Variants in TNFSF10 observed in about 807,000 individuals in gnomAD.
TNFSF10 encodes the protein tumor necrosis factor ligand superfamily member 10.
Under a neutral mutation model 29.5 loss-of-function variants are expected in TNFSF10, and 13 were observed. The observed-to-expected ratio is 0.44, with a 90% CI of 0.29 to 0.70. TNFSF10 has a LOEUF of 0.70. TNFSF10 is among the 30% of genes least tolerant of loss of function. The pLI is 0.13. For missense variants in TNFSF10, 345 were observed against 330.9 expected, an observed-to-expected ratio of 1.04 and a Z score of -0.33; for synonymous variants, 111 against 112.8, an observed-to-expected ratio of 0.98 and a Z score of 0.10.
At chr3:172,515,901 C>A (rs1237967676) in intron 1 of TNFSF10, among the ~76,000 whole-genome samples, 1 of 152,094 alleles carries the variant, frequency 6.6e-6, no homozygotes, top group East Asian at 1.9e-4. Flanking sequence ...TTGCTTTGCT[C>A]ATTTCTTCTC....
chr3:172,515,212 T>A (rs895184912), intron 1 of TNFSF10, among the ~76,000 whole-genome samples: 1 of 151,916 alleles, frequency 6.6e-6, no homozygotes, highest in African/African-American at 2.4e-5. Context: ...GTGGAAAGGA[T>A]GCAGGTGTGC....
intron 1 of TNFSF10, among the ~76,000 whole-genome samples, chr3:172,516,826 G>A (rs1402942315): frequency 6.6e-6 from 1 of 152,162 alleles, no homozygotes; most frequent in Non-Finnish European, 1.5e-5. Flanking sequence ...ATATGATTCA[G>A]AAATATGAGA....
intron 2 of TNFSF10, among the ~76,000 whole-genome samples, chr3:172,513,446 G>A (rs148533441): frequency 1.8e-4 from 28 of 152,290 alleles, no homozygotes; most frequent in African/African-American, 5.1e-4. Context: ...AGCTGCTTCC[G>A]TACAGCTTGT....
At chr3:172,509,383 C>A in intron 3 of TNFSF10, 62 bp from the exon 4 acceptor site, 1 of 1,318,784 alleles carries the variant, frequency 7.6e-7, no homozygotes. Flanking sequence ...ATACCTTGCT[C>A]TTCATAGGTG....
At chr3:172,512,639 G>A (rs539235608) in intron 2 of TNFSF10, among the ~76,000 whole-genome samples, 1 of 152,216 alleles carries the variant, frequency 6.6e-6, no homozygotes, top group Non-Finnish European at 1.5e-5. Context: ...GGAAGTGAGA[G>A]GAAACCACAG....
rs146736623 is a variant in TNFSF10, at chr3:172,514,917, T to C, written c.214A>G (p.Ser72Gly). 90 of 1,614,082 alleles carry C rather than the reference T, an allele frequency of 5.6e-5. No homozygotes were observed. The highest frequency in any genetic ancestry group is 1.7e-5 in the Admixed American group (1 of 59,988). Reference protein sequence around the residue: ...DSYWDPNDEESMNSPCWQVKW... With the variant: ...DSYWDPNDEEGMNSPCWQVKW... ...ACTTGCCAGCAGGGGCTGTTCATAC[T>C]CTCTTCGTCATTGGGGTCCCAATAA... is the stretch of plus-strand genomic sequence containing the variant. Residue 72 changes from serine to glycine, a missense_variant, in exon 2 of 5, where the codon AGT becomes GGT. Coordinates refer to ENST00000241261, the MANE Select transcript of TNFSF10 (RefSeq NM_003810.4).
At chr3:172,513,093 TTC>T (rs1449660579) in intron 2 of TNFSF10, among the ~76,000 whole-genome samples, 1 of 152,210 alleles carries the variant, frequency 6.6e-6, no homozygotes, top group East Asian at 1.9e-4. Flanking sequence ...TCCCTCTGTG[TTC>T]TCTCCCAGCT....
chr3:172,520,883 C>G (rs1353547867), intron 1 of TNFSF10, among the ~76,000 whole-genome samples: 1 of 152,106 alleles, frequency 6.6e-6, no homozygotes, highest in Non-Finnish European at 1.5e-5. Context: ...GAACAGAGGC[C>G]TCAGAAATAA....
intron 1 of TNFSF10, among the ~76,000 whole-genome samples, chr3:172,519,330 A>T (rs1713580633): frequency 6.6e-6 from 1 of 151,652 alleles, no homozygotes; most frequent in Non-Finnish European, 1.5e-5. Flanking sequence ...ATTGAAAAAG[A>T]AATTTGATTA....
chr3:172,514,722 A>T, intron 2 of TNFSF10, 139 bp downstream of exon 2: 1 of 1,209,754 alleles, frequency 8.3e-7, no homozygotes, highest in Non-Finnish European at 1.1e-6. Context: ...GGGGAAAATT[A>T]CTTAAATACT....
At chr3:172,507,807 T>C (rs984465701) in intron 4 of TNFSF10, among the ~76,000 whole-genome samples, 2 of 152,184 alleles carry the variant, frequency 1.3e-5, no homozygotes, top group South Asian at 4.1e-4. Flanking sequence ...TTTTTATCTA[T>C]TAACTGATGT....
chr3:172,506,240 A>G lies in TNFSF10; in HGVS notation c.*252T>C. 2 of 417,636 alleles carry G rather than the reference A, an allele frequency of 4.8e-6. No individual in the cohort carries two copies. The highest frequency in any genetic ancestry group is 4.2e-6 in the Non-Finnish European group (1 of 235,378). The allele number at this position is 417,636 out of a possible 1,614,324, so 25.9% of individuals were successfully genotyped here. On this transcript the variant is annotated 3_prime_UTR_variant, in exon 5 of 5. Coordinates refer to ENST00000241261, the MANE Select transcript of TNFSF10 (RefSeq NM_003810.4). ...CAGTCTTCTAGATTTCTGCTAGCAA[A>G]CTGATATGAGGTAGAGTCCTGAAAG...
rs1712984397 is a variant in TNFSF10 at position 172,506,417 on chromosome 3, G to T, written c.*75C>A. On this transcript the variant is annotated 3_prime_UTR_variant, in exon 5 of 5. Coordinates refer to ENST00000241261, the MANE Select transcript of TNFSF10 (RefSeq NM_003810.4). The stretch of plus-strand genomic sequence containing the variant: ...TTTGTTTGTTTTGGTCAGATTTTTT[G>T]AAACATCTTCATAGTGTATCATCCT... 2 of 1,474,968 alleles carry T rather than the reference G, an allele frequency of 1.4e-6. No individual in the cohort carries two copies. Among genetic ancestry groups the T allele is most frequent in the Non-Finnish European group, 1.8e-6 (2 of 1,103,314 alleles). The allele number at this position is 1,474,968 out of a possible 1,614,324, so 91.4% of individuals were successfully genotyped here. A position where few individuals can be genotyped will look rare whatever the true frequency, so the allele number is the denominator to read the frequency against.
In TNFSF10 at chr3:172,516,816, A is replaced by T. The variant is rs114121477; in HGVS notation, c.133-1818T>A. Among the ~76,000 whole-genome samples, 770 of 152,320 alleles carry T rather than the reference A, an allele frequency of 5.1e-3. 10 individuals are homozygous for T. The highest frequency in any genetic ancestry group is 0.017 in the African/African-American group (713 of 41,570). On this transcript the variant is annotated intron_variant, in intron 1 of 4. Coordinates refer to ENST00000241261, the MANE Select transcript of TNFSF10 (RefSeq NM_003810.4). ...CTTTCCAAGGAAGGCACTCAGTCAC[A>T]TATGATTCAGAAATATGAGAGCATG...
Position 172,506,360 on chromosome 3 carries a change from T to C in TNFSF10, c.*132A>G. Reference sequence around the variant, plus strand: ...TTGGTTGTGGCTGCTCTACTCAGATTGCATAGAGGTTTTTTTGTTTTCTGT... The same window carrying C: ...TTGGTTGTGGCTGCTCTACTCAGATCGCATAGAGGTTTTTTTGTTTTCTGT... On this transcript the variant is annotated 3_prime_UTR_variant, in exon 5 of 5. Coordinates refer to ENST00000241261, the MANE Select transcript of TNFSF10 (RefSeq NM_003810.4). 1.7e-6 allele frequency: 2 copies of C among 1,166,166 alleles called. No homozygotes were observed. The highest frequency in any genetic ancestry group is 1.2e-6 in the Non-Finnish European group (1 of 847,804). 72.2% of individuals were successfully genotyped at this position (1,166,166 alleles called of 1,614,324 possible). A position where few individuals can be genotyped will look rare whatever the true frequency, so the allele number is the denominator to read the frequency against.
chr3:172,510,019 C>A (rs1008207106), intron 3 of TNFSF10, among the ~76,000 whole-genome samples: 2 of 149,874 alleles, frequency 1.3e-5, no homozygotes, highest in Non-Finnish European at 3.0e-5. Context: ...ATGACTTTCT[C>A]TAAAAGAATC....
At chr3:172,514,623 G>A (rs1713355783) in intron 2 of TNFSF10, among the ~76,000 whole-genome samples, 1 of 152,194 alleles carries the variant, frequency 6.6e-6, no homozygotes, top group African/African-American at 2.4e-5. Context: ...TGTGGAGGCT[G>A]TCCGGGGCAG....
Position 172,509,244 on chromosome 3 carries a change from C to T in TNFSF10, c.391G>A (p.Gly131Arg), listed in dbSNP as rs754140576. 2.5e-6 allele frequency: 4 copies of T among 1,613,724 alleles called. No individual in the cohort carries two copies. The South Asian group carries it at 4.4e-5, about 18-fold the overall frequency. Reference protein sequence around the residue: ...RVAAHITGTRGRSNTLSSPNS... With the variant: ...RVAAHITGTRRRSNTLSSPNS... ...GGAGAAGACAATGTGTTGCTTCTTC[C>T]TCTGGTCCCAGTTATGTGAGCTGCT... Residue 131 changes from glycine (G) to arginine (R), a missense_variant, in exon 4 of 5, where the codon GGA becomes AGA. By Grantham distance (125) the Gly-to-Arg change is moderately radical. Coordinates refer to ENST00000241261, the MANE Select transcript of TNFSF10 (RefSeq NM_003810.4).
chr3:172,522,874 A>T (rs757454993), intron 1 of TNFSF10, among the ~76,000 whole-genome samples: 1 of 152,242 alleles, frequency 6.6e-6, no homozygotes, highest in Non-Finnish European at 1.5e-5. Context: ...TTTTCAATTG[A>T]ATGTGCACAA....
Sources: allele counts gnomAD v4.1 joint callset (sites outside exome capture counted in the v4.1 genomes callset), GRCh38; gene constraint gnomAD v4.1.1; transcripts MANE v1.5; gene names NCBI Gene and HGNC (gene_info 2026-07-23, HGNC 2026-07-21).